The following SLCO1A2 variants were observed in gnomAD, a reference collection of about 807,000 sequenced individuals.
SLCO1A2 encodes the protein OATP-1.
Under a neutral mutation model 69.0 loss-of-function variants are expected in SLCO1A2, and 67 were observed. That is an observed-to-expected ratio of 0.97 (90% CI 0.80 to 1.19). The LOEUF (loss-of-function observed/expected upper bound fraction) is 1.19, where lower values mean the gene tolerates loss of function less well. SLCO1A2 is among the 50% of genes most tolerant of loss of function. The pLI is 0.00. For missense variants in SLCO1A2, 787 were observed against 793.7 expected (o/e 0.99, Z 0.10); for synonymous variants, 260 against 265.9 (o/e 0.98, Z 0.22).
Position 21,411,750 on chromosome 12 carries a change from A to T in SLCO1A2, c.-312+6132T>A, listed in dbSNP as rs1389381399. Among the ~76,000 whole-genome samples the T allele has an allele frequency of 3.3e-5, 5 of 151,932 alleles. No homozygotes were observed. The East Asian group carries it at 9.7e-4, about 29-fold the overall frequency. Reference sequence around the variant, plus strand: ...CAGGCTAGAGTGCAGTGGCACAATCAGCTCACTGCAGCTTTGAGAACCTCC... The same window carrying T: ...CAGGCTAGAGTGCAGTGGCACAATCTGCTCACTGCAGCTTTGAGAACCTCC... On this transcript the variant is annotated intron_variant, in intron 1 of 4. Coordinates refer to the SLCO1A2 transcript ENST00000413682.
intron 2 of SLCO1A2, among the ~76,000 whole-genome samples, chr12:21,361,949 G>A (rs187945905): frequency 6.6e-6 from 1 of 152,258 alleles, no homozygotes; most frequent in African/African-American, 2.4e-5. Flanking sequence ...GGGGAGAATG[G>A]AACCAAGTTG....
chr12:21,277,384 C>T (rs1379420010), intron 12 of SLCO1A2, among the ~76,000 whole-genome samples: 2 of 152,054 alleles, frequency 1.3e-5, no homozygotes, highest in Non-Finnish European at 2.9e-5. Context: ...GCCTGAATAA[C>T]CAACAGCTAT....
At chr12:21,406,874 C>G (rs1941830936) in intron 1 of SLCO1A2, among the ~76,000 whole-genome samples, 1 of 152,122 alleles carries the variant, frequency 6.6e-6, no homozygotes, top group South Asian at 2.1e-4. Context: ...TATGTATAAA[C>G]TGTTAGAATG....
chr12:21,412,410 C>A (rs1190819032), intron 1 of SLCO1A2, among the ~76,000 whole-genome samples: 2 of 152,058 alleles, frequency 1.3e-5, no homozygotes, highest in East Asian at 1.9e-4. Context: ...TATGAAGTAT[C>A]ATTTCATAGA....
chr12:21,319,436 C>G (rs770731319), intron 2 of SLCO1A2: 1 of 1,367,790 alleles, frequency 7.3e-7, no homozygotes, highest in Non-Finnish European at 9.8e-7. Context: ...TCTGCATTCT[C>G]AGCAATGAGG....
chr12:21,388,798 G>GA lies in SLCO1A2; in HGVS notation c.-190+6107dup, dbSNP rs199929718. 5.2e-4 allele frequency among the ~76,000 whole-genome samples: 77 copies of GA among 149,392 alleles called. 1 individual carries two copies. The highest frequency in any genetic ancestry group is 1.8e-3 in the African/African-American group (72 of 40,726). On this transcript the variant is annotated intron_variant, in intron 1 of 15. Coordinates refer to the SLCO1A2 transcript ENST00000307378. Reference sequence around the variant, plus strand: ...GCCCTTTCTTGATTCTAAGACTTCTGAAAAAAAAATAAGAAAATATGTAAG... The same window carrying GA: ...GCCCTTTCTTGATTCTAAGACTTCTGAAAAAAAAAATAAGAAAATATGTAAG...
At chr12:21,319,294 G>A in intron 2 of SLCO1A2, 2 of 1,298,168 alleles carry the variant, frequency 1.5e-6, no homozygotes, top group African/African-American at 1.5e-5. Flanking sequence ...AAGAAAGAAT[G>A]CAGAATTATA....
intron 2 of SLCO1A2, among the ~76,000 whole-genome samples, chr12:21,348,482 G>A (rs1937676198): frequency 6.6e-6 from 1 of 152,060 alleles, no homozygotes; most frequent in African/African-American, 2.4e-5. Context: ...CCACAAATAA[G>A]TGGAAGAATA....
chr12:21,346,810 C>T (rs920607587), intron 2 of SLCO1A2, among the ~76,000 whole-genome samples: 4 of 152,192 alleles, frequency 2.6e-5, no homozygotes, highest in African/African-American at 9.6e-5. Flanking sequence ...AGATGAATTA[C>T]AAGCCATACA....
chr12:21,340,794 G>A (rs916865302), intron 2 of SLCO1A2, among the ~76,000 whole-genome samples: 1 of 151,918 alleles, frequency 6.6e-6, no homozygotes, highest in Non-Finnish European at 1.5e-5. Context: ...AGAAAGAAAG[G>A]TGGTATTTAC....
chr12:21,375,721 A>G (rs778692351), intron 1 of SLCO1A2, among the ~76,000 whole-genome samples: 1 of 152,350 alleles, frequency 6.6e-6, no homozygotes, highest in African/African-American at 2.4e-5. Context: ...CTTTAAAGTC[A>G]TTTTGAAAAC....
chr12:21,288,431 AC>A (rs1391034379), intron 12 of SLCO1A2, among the ~76,000 whole-genome samples: 3 of 151,944 alleles, frequency 2.0e-5, no homozygotes, highest in Non-Finnish European at 2.9e-5. Context: ...ACAGAATGAG[AC>A]TCCATCTGAG....
At chr12:21,398,353 A>G (rs1941555471), upstream of SLCO1A2, among the ~76,000 whole-genome samples, 2 of 140,242 alleles carry the variant, frequency 1.4e-5, no homozygotes, top group Admixed American at 1.5e-4. Flanking sequence ...ATAGACCAAT[A>G]ACAGGAGCTG....
At chr12:21,412,882 T>C (rs1028972451) in intron 1 of SLCO1A2, among the ~76,000 whole-genome samples, 1 of 152,144 alleles carries the variant, frequency 6.6e-6, no homozygotes, top group Non-Finnish European at 1.5e-5. Flanking sequence ...TTAGACTCCA[T>C]CACTTCAATA....
At chr12:21,392,265 T>C (rs1941196362) in intron 1 of SLCO1A2, among the ~76,000 whole-genome samples, 1 of 152,184 alleles carries the variant, frequency 6.6e-6, no homozygotes, top group African/African-American at 2.4e-5. Flanking sequence ...CTCCATATGA[T>C]CCAATCATTC....
chr12:21,352,399 G>T (rs1385511425), intron 2 of SLCO1A2, among the ~76,000 whole-genome samples: 1 of 152,098 alleles, frequency 6.6e-6, no homozygotes, highest in African/African-American at 2.4e-5. Flanking sequence ...GCAGTAACTG[G>T]CTTATTACCA....
At chr12:21,404,521 A>G (rs1427842709) in intron 1 of SLCO1A2, among the ~76,000 whole-genome samples, 1 of 152,152 alleles carries the variant, frequency 6.6e-6, no homozygotes, top group African/African-American at 2.4e-5. Flanking sequence ...TTTGCTGAGG[A>G]TAATGGCTTC....
In SLCO1A2 at chr12:21,403,793, A is replaced by T. The variant is rs201217251; in HGVS notation, c.-312+14089T>A. ...TGGCTTTGGCTCCAATACCCTGTTG[A>T]AAAACCTCAGTTAATGGCACTAAAC... On this transcript the variant is annotated intron_variant, in intron 1 of 4. Transcript: ENST00000413682. The T allele has an allele frequency of 2.1e-5, 3 of 146,176 alleles. No homozygotes were observed. The East Asian group carries it at 6.2e-4, about 30-fold the overall frequency. 9.1% of individuals were successfully genotyped at this position (146,176 alleles called of 1,614,324 possible).
chr12:21,380,276 A>C (rs549616639), intron 1 of SLCO1A2, among the ~76,000 whole-genome samples: 1 of 152,250 alleles, frequency 6.6e-6, no homozygotes, highest in African/African-American at 2.4e-5. Context: ...CTCTCTTTCT[A>C]GTGTTAACAA....
Sources: allele counts gnomAD v4.1 joint callset (sites outside exome capture counted in the v4.1 genomes callset), GRCh38; gene constraint gnomAD v4.1.1; transcripts MANE v1.5; gene names NCBI Gene and HGNC (gene_info 2026-07-23, HGNC 2026-07-21).